Variants in PEAK1 observed in about 807,000 individuals in gnomAD.
PEAK1 encodes inactive tyrosine-protein kinase PEAK1.
A neutral mutation model predicts 124.7 loss-of-function variants in PEAK1; 54 were observed. The ratio of observed to expected loss-of-function variants is 0.43; its 90% CI spans 0.35 to 0.54. The LOEUF (loss-of-function observed/expected upper bound fraction) is 0.54. Ranked by LOEUF, PEAK1 falls within the 20% of genes least tolerant of loss-of-function variation. The pLI is 0.01. For missense variants in PEAK1, 2,046 were observed against 2,134.5 expected (o/e 0.96, Z 0.82); for synonymous variants, 719 against 760.0 (o/e 0.95, Z 0.89).
intron 3 of PEAK1, 128 bp downstream of exon 3, chr15:77,286,295 T>C (rs542260861): frequency 2.3e-6 from 1 of 435,094 alleles, no homozygotes; most frequent in Non-Finnish European, 3.8e-6. Context: ...TATTCACCTT[T>C]ATCTCCTCCA....
intron 1 of PEAK1, among the ~76,000 whole-genome samples, chr15:77,410,710 A>G (rs2142108802): frequency 6.6e-6 from 1 of 152,298 alleles, no homozygotes; most frequent in East Asian, 1.9e-4. Flanking sequence ...GGCTCTTTCC[A>G]CTCAGCATAT....
At chr15:77,282,778 T>C (rs1170555280) in intron 5 of PEAK1, among the ~76,000 whole-genome samples, 1 of 152,196 alleles carries the variant, frequency 6.6e-6, no homozygotes, top group Non-Finnish European at 1.5e-5. Flanking sequence ...AATCATATTA[T>C]AATAGGTAAA....
chr15:77,117,374 T>G (rs1031426849), intron 9 of PEAK1, among the ~76,000 whole-genome samples: 1 of 152,186 alleles, frequency 6.6e-6, no homozygotes. Flanking sequence ...GAAATCTACT[T>G]CACAGGGCAG....
At chr15:77,199,551 A>G (rs1353856275) in intron 6 of PEAK1, among the ~76,000 whole-genome samples, 1 of 152,370 alleles carries the variant, frequency 6.6e-6, no homozygotes, top group East Asian at 1.9e-4. Context: ...ATCAAGCCCC[A>G]AACAATAAAT....
intron 1 of PEAK1, among the ~76,000 whole-genome samples, chr15:77,413,634 A>G (rs933545565): frequency 1.3e-5 from 2 of 152,248 alleles, no homozygotes; most frequent in Admixed American, 1.3e-4. Context: ...AGACAACTAA[A>G]GCAATGCAAT....
At chr15:77,175,060 T>C (rs1259691094) in intron 7 of PEAK1, among the ~76,000 whole-genome samples, 3 of 151,788 alleles carry the variant, frequency 2.0e-5, no homozygotes, top group Non-Finnish European at 4.4e-5. Context: ...TGTAGAAAGC[T>C]GAAACTGGAT....
At chr15:77,364,507 A>T (rs559653319) in intron 2 of PEAK1, among the ~76,000 whole-genome samples, 3 of 152,330 alleles carry the variant, frequency 2.0e-5, no homozygotes, top group Admixed American at 2.0e-4. Flanking sequence ...ACAATGATAA[A>T]AATGGCTGAC....
At chr15:77,234,534 C>A (rs1413422790) in intron 6 of PEAK1, among the ~76,000 whole-genome samples, 1 of 152,038 alleles carries the variant, frequency 6.6e-6, no homozygotes, top group Non-Finnish European at 1.5e-5. Context: ...AGGAATAAAT[C>A]AACCAATGTC....
At chr15:77,385,882 T>C (rs1422402144) in intron 1 of PEAK1, among the ~76,000 whole-genome samples, 1 of 152,184 alleles carries the variant, frequency 6.6e-6, no homozygotes, top group Non-Finnish European at 1.5e-5. Context: ...GCAGAATATA[T>C]GAAGAAGGAA....
intron 8 of PEAK1, among the ~76,000 whole-genome samples, chr15:77,151,335 C>A (rs1400515846): frequency 4.6e-5 from 7 of 152,068 alleles, no homozygotes; most frequent in African/African-American, 7.2e-5. Flanking sequence ...CTGTTCATAT[C>A]CTTTGCCCAC....
At chr15:77,405,976 C>T (rs955091) in intron 1 of PEAK1, among the ~76,000 whole-genome samples, 143,074 of 152,202 alleles carry the variant, frequency 0.94, 67,911 homozygotes, top group East Asian at 1. Flanking sequence ...GATTTACATA[C>T]TCACTGATAA....
At chr15:77,130,335 G>A (rs910269019) in intron 9 of PEAK1, among the ~76,000 whole-genome samples, 42 of 152,306 alleles carry the variant, frequency 2.8e-4, no homozygotes, top group African/African-American at 9.9e-4. Flanking sequence ...GTGCTATATA[G>A]AATCTCAAAA....
At chr15:77,417,252 C>T in intron 1 of PEAK1, 5 of 681,206 alleles carry the variant, frequency 7.3e-6, no homozygotes, top group Non-Finnish European at 9.1e-6. Context: ...TTCTATAATA[C>T]TCAGGTCCTA....
intron 2 of PEAK1, among the ~76,000 whole-genome samples, chr15:77,329,403 G>A (rs1050494309): frequency 6.6e-6 from 1 of 152,058 alleles, no homozygotes; most frequent in Admixed American, 6.5e-5. Context: ...TTGTTGATTC[G>A]TTGTTTAGGA....
chr15:77,350,509 T>C lies in PEAK1; in HGVS notation c.-603+14654A>G, dbSNP rs199856536. On this transcript the variant is annotated intron_variant, in intron 2 of 9. Coordinates refer to ENST00000682557, the MANE Select transcript of PEAK1 (RefSeq NM_001385026.1). Reference sequence around the variant, plus strand: ...TCTGTCTTCTAAGAATTTTTTAAGCTACATTTGAAAAAACATGATAATACA... The same window carrying C: ...TCTGTCTTCTAAGAATTTTTTAAGCCACATTTGAAAAAACATGATAATACA... The C allele has an allele frequency of 6.7e-5, 66 of 983,604 alleles. No individual in the cohort carries two copies. The African/African-American group carries it at 1.1e-3, about 17-fold the overall frequency. The allele number at this position is 983,604 out of a possible 1,614,324, so 60.9% of individuals were successfully genotyped here.
At chr15:77,161,041 C>CA (rs1314164019) in intron 7 of PEAK1, among the ~76,000 whole-genome samples, 1 of 152,230 alleles carries the variant, frequency 6.6e-6, no homozygotes, top group African/African-American at 2.4e-5. Context: ...GTACATATAA[C>CA]ACAGCTCTGT....
chr15:77,271,502 T>A (rs1398173031), intron 5 of PEAK1, among the ~76,000 whole-genome samples: 2 of 152,136 alleles, frequency 1.3e-5, no homozygotes, highest in Non-Finnish European at 1.5e-5. Flanking sequence ...GTGGCACTAT[T>A]CACAATAGCA....
At chr15:77,177,660 A>G (rs1022637463) in intron 7 of PEAK1, among the ~76,000 whole-genome samples, 2 of 152,122 alleles carry the variant, frequency 1.3e-5, no homozygotes, top group Admixed American at 1.3e-4. Context: ...AGAAGGACTC[A>G]GAATCAGATG....
At chr15:77,373,025 C>T (rs1413649351) in intron 1 of PEAK1, among the ~76,000 whole-genome samples, 1 of 152,140 alleles carries the variant, frequency 6.6e-6, no homozygotes, top group Non-Finnish European at 1.5e-5. Context: ...TTACCCAGTC[C>T]AGGTATTTCT....
Sources: gnomAD v4.1 joint callset for allele counts (sites outside exome capture counted in the v4.1 genomes callset) on GRCh38, gnomAD v4.1.1 for gene constraint, MANE v1.5 for transcripts, NCBI Gene and HGNC (gene_info 2026-07-23, HGNC 2026-07-21) for gene names.